The following MAP3K20 variants were observed in gnomAD, a reference collection of about 807,000 sequenced individuals.
MAP3K20 encodes the protein HCCS-4.
MAP3K20 carries 40 observed loss-of-function variants against 85.7 expected under a neutral mutation model. The observed-to-expected ratio is 0.47, with a 90% CI of 0.36 to 0.61. MAP3K20 has a LOEUF of 0.61. MAP3K20 is among the 20% of genes least tolerant of loss of function. The pLI, the probability that MAP3K20 is intolerant of heterozygous loss-of-function variation, is 0.00. For synonymous variants in MAP3K20, 325 were observed against 327.7 expected (o/e 0.99, Z 0.09); for missense variants, 817 against 961.7 (o/e 0.85, Z 1.99).
At chr2:173,253,420 A>C (rs1337516932) in intron 16 of MAP3K20, among the ~76,000 whole-genome samples, 1 of 152,174 alleles carries the variant, frequency 6.6e-6, no homozygotes, top group Non-Finnish European at 1.5e-5. Context: ...TGGGAGGAAA[A>C]GGGACAAAAC....
chr2:173,124,402 G>C (rs1202892474), intron 2 of MAP3K20, among the ~76,000 whole-genome samples: 1 of 152,162 alleles, frequency 6.6e-6, no homozygotes, highest in Non-Finnish European at 1.5e-5. Flanking sequence ...GATTGGAAGA[G>C]GGCCTGCTCC....
intron 1 of MAP3K20, among the ~76,000 whole-genome samples, chr2:173,088,204 G>A (rs4972396): frequency 0.99 from 150,972 of 152,354 alleles, 74,819 homozygotes; most frequent in Middle Eastern, 1. Flanking sequence ...CAGGGCAACT[G>A]ATAACTCTAA....
intron 16 of MAP3K20, among the ~76,000 whole-genome samples, chr2:173,255,956 G>C (rs995779946): frequency 2.0e-5 from 3 of 152,192 alleles, no homozygotes; most frequent in South Asian, 2.1e-4. Context: ...CCAAAACAAA[G>C]AAATACTGAG....
chr2:173,116,552 G>A (rs992274790), intron 2 of MAP3K20, among the ~76,000 whole-genome samples: 1 of 152,138 alleles, frequency 6.6e-6, no homozygotes, highest in African/African-American at 2.4e-5. Context: ...CACTGACTTT[G>A]TTTTTCCCCA....
chr2:173,252,952 T>C (rs1361017869), intron 16 of MAP3K20, among the ~76,000 whole-genome samples: 3 of 152,172 alleles, frequency 2.0e-5, no homozygotes, highest in Non-Finnish European at 2.9e-5. Context: ...AAGATACGAA[T>C]TTATTCCTTC....
At chr2:173,204,269 C>T (rs940148912) in intron 9 of MAP3K20, among the ~76,000 whole-genome samples, 4 of 152,176 alleles carry the variant, frequency 2.6e-5, no homozygotes, top group Non-Finnish European at 5.9e-5. Flanking sequence ...ATAGATGCCT[C>T]AATTATCCTC....
chr2:173,192,171 C>T (rs952676497), intron 7 of MAP3K20, among the ~76,000 whole-genome samples: 2 of 152,124 alleles, frequency 1.3e-5, no homozygotes, highest in African/African-American at 2.4e-5. Flanking sequence ...TGTTTTAGGT[C>T]CAAATCAGCC....
intron 8 of MAP3K20, among the ~76,000 whole-genome samples, chr2:173,201,838 T>G (rs1177370788): frequency 6.6e-6 from 1 of 152,220 alleles, no homozygotes. Context: ...AGTCTAGATT[T>G]AACTGATATT....
At position 173,257,936 on chromosome 2, in the gene MAP3K20, A is replaced by G. The variant is rs139930616; in HGVS notation, c.1360-763A>G. ...TAAAGCACTTTTTCATTATATGGTG[A>G]TTTTATTAAAAATTTAATTAACATA... On this transcript the variant is annotated intron_variant, in intron 16 of 19. Transcript: ENST00000375213. 2.3e-4 allele frequency among the ~76,000 whole-genome samples: 35 copies of G among 152,264 alleles called. 1 individual carries two copies. The highest frequency in any genetic ancestry group is 8.2e-4 in the African/African-American group (34 of 41,536).
At chr2:173,224,576 A>C in intron 11 of MAP3K20, 4 of 985,256 alleles carry the variant, frequency 4.1e-6, no homozygotes, top group Non-Finnish European at 4.8e-6. Context: ...TCATTACTCT[A>C]CCACCAAGAA....
At chr2:173,127,796 T>C (rs924904367) in intron 2 of MAP3K20, among the ~76,000 whole-genome samples, 3 of 151,792 alleles carry the variant, frequency 2.0e-5, no homozygotes, top group African/African-American at 7.3e-5. Context: ...CAACCAATAA[T>C]AAGAATACCT....
chr2:173,125,337 A>G (rs1029160394), intron 2 of MAP3K20, among the ~76,000 whole-genome samples: 6 of 152,222 alleles, frequency 3.9e-5, no homozygotes, highest in Admixed American at 6.5e-5. Context: ...ATCCTGGACT[A>G]CACCTAAAGA....
At chr2:173,197,952 A>T in intron 7 of MAP3K20, 74 bp from the exon 8 acceptor site, 1 of 1,326,064 alleles carries the variant, frequency 7.5e-7, no homozygotes, top group Non-Finnish European at 1.0e-6. Flanking sequence ...ATTACATGTT[A>T]GATAAGGTCT....
intron 2 of MAP3K20, among the ~76,000 whole-genome samples, chr2:173,108,849 C>G (rs1264400656): frequency 6.6e-6 from 1 of 152,172 alleles, no homozygotes; most frequent in African/African-American, 2.4e-5. Context: ...TGAGCACATT[C>G]TATTTTTATA....
intron 19 of MAP3K20, 101 bp from the exon 20 acceptor site, chr2:173,265,949 G>A (rs2106360829): frequency 1.7e-6 from 2 of 1,211,202 alleles, no homozygotes; most frequent in Admixed American, 4.8e-5. Flanking sequence ...GTAAAGCTTA[G>A]AGCATCCCAA....
chr2:173,229,765 T>C, intron 12 of MAP3K20, 32 bp downstream of exon 12: 1 of 1,612,626 alleles, frequency 6.2e-7, no homozygotes, highest in Non-Finnish European at 8.5e-7. Context: ...CTTATTTGAC[T>C]TGAGCAGGTA....
At chr2:173,208,831 T>C (rs574256636) in intron 9 of MAP3K20, among the ~76,000 whole-genome samples, 1 of 152,342 alleles carries the variant, frequency 6.6e-6, no homozygotes, top group South Asian at 2.1e-4. Flanking sequence ...TTACGAGGCA[T>C]GATGAAGAGA....
intron 14 of MAP3K20, among the ~76,000 whole-genome samples, chr2:173,236,266 TAA>T (rs67764486): frequency 3.7e-3 from 238 of 64,712 alleles, no homozygotes; most frequent in East Asian, 0.011. Context: ...AGACCCTGTC[TAA>T]AAAAAAAAAA....
chr2:173,234,010 A>G (rs961506172), intron 14 of MAP3K20, among the ~76,000 whole-genome samples: 7 of 152,244 alleles, frequency 4.6e-5, no homozygotes, highest in African/African-American at 1.7e-4. Flanking sequence ...GGGCAAGTCC[A>G]TCCTAAAAGC....
Sources: allele counts gnomAD v4.1 joint callset (sites outside exome capture counted in the v4.1 genomes callset), GRCh38; gene constraint gnomAD v4.1.1; transcripts MANE v1.5; gene names NCBI Gene and HGNC (gene_info 2026-07-23, HGNC 2026-07-21).